Variants in PHF12 observed in about 807,000 individuals in gnomAD.
PHF12 encodes the protein PHD factor 1.
Under a neutral mutation model 99.8 loss-of-function variants are expected in PHF12, and 6 were observed. The observed-to-expected ratio is 0.06, with a 90% CI of 0.03 to 0.12. PHF12 has a LOEUF of 0.12. Among genes scored for constraint, PHF12 ranks in the 10% least tolerant of loss-of-function variants. The probability of loss-of-function intolerance (pLI) is 1.00; values close to 1 mark genes in which losing one functional copy is unlikely to be tolerated. For missense variants in PHF12, 954 were observed against 1,300.1 expected, an observed-to-expected ratio of 0.73 and a Z score of 4.09; for synonymous variants, 480 against 514.9, an observed-to-expected ratio of 0.93 and a Z score of 0.92.
rs973951079 is a variant in PHF12 at position 28,949,292 on chromosome 17, G to A, written c.248+773C>T. On this transcript the variant is annotated intron_variant, in intron 2 of 14. Coordinates refer to ENST00000332830, the MANE Select transcript of PHF12 (RefSeq NM_001033561.2). This position sits in a 1 kb window ranked among gnomAD's most constrained non-coding sequence, Gnocchi z 4.6. ...ACCCGGCCCGATTTCCTAAGAGGCAGCGGCGCCGGGAGGGAGGAGGGAAGA... is the reference window on the plus strand; with the variant it reads ...ACCCGGCCCGATTTCCTAAGAGGCAACGGCGCCGGGAGGGAGGAGGGAAGA... Among the ~76,000 whole-genome samples, 8 of 152,158 alleles carry A rather than the reference G, an allele frequency of 5.3e-5. No homozygotes were observed. Among genetic ancestry groups the A allele is most frequent in the African/African-American group, 1.9e-4 (8 of 41,444 alleles).
chr17:28,911,521 C>A lies in PHF12; in HGVS notation c.2090-284G>T. 11 of 391,444 alleles carry A rather than the reference C, an allele frequency of 2.8e-5. No individual in the cohort carries two copies. In the South Asian group the frequency reaches 4.2e-4, roughly 15 times the overall value. 24.2% of individuals were successfully genotyped at this position (391,444 alleles called of 1,614,324 possible). Reference sequence around the variant, plus strand: ...GGCAGCTTCATTCTTTGGGCCATGACCACCTCCCTGCTGCCTCTACTTTAA... The same window carrying A: ...GGCAGCTTCATTCTTTGGGCCATGAACACCTCCCTGCTGCCTCTACTTTAA... On this transcript the variant is annotated intron_variant, in intron 9 of 14. Coordinates refer to ENST00000332830, the MANE Select transcript of PHF12 (RefSeq NM_001033561.2).
intron 2 of PHF12, among the ~76,000 whole-genome samples, chr17:28,931,011 T>A (rs1261378078): frequency 6.6e-6 from 1 of 152,122 alleles, no homozygotes; most frequent in Non-Finnish European, 1.5e-5. Flanking sequence ...GGTAGAGCCG[T>A]GATCGTGCCA....
intron 2 of PHF12, among the ~76,000 whole-genome samples, chr17:28,948,393 T>C (rs939262339): frequency 2.6e-5 from 4 of 152,208 alleles, no homozygotes; most frequent in Admixed American, 1.3e-4. Flanking sequence ...CAGAAATATC[T>C]TCTCCAGGTG....
At chr17:28,912,299 C>T in intron 9 of PHF12, 183 bp downstream of exon 9, 2 of 1,389,944 alleles carry the variant, frequency 1.4e-6, no homozygotes, top group Non-Finnish European at 1.9e-6. Context: ...TAAGCAGTCC[C>T]ATTTATAAAC....
Position 28,906,142 on chromosome 17 carries a change from T to C in PHF12, c.*41A>G. 7 of 1,542,044 alleles carry C rather than the reference T, an allele frequency of 4.5e-6. No individual in the cohort carries two copies. Among genetic ancestry groups the C allele is most frequent in the Non-Finnish European group, 6.1e-6 (7 of 1,138,820 alleles). ...TGTACATTTTTGCATTGCAGGAGTC[T>C]TGGGTGGGTGTACAGGCCAGTGGCG... On this transcript the variant is annotated 3_prime_UTR_variant, in exon 15 of 15. Transcript: ENST00000332830. This position sits in a 1 kb window ranked among gnomAD's most constrained non-coding sequence, Gnocchi z 4.2.
At chr17:28,947,677 T>C (rs991249063) in intron 2 of PHF12, among the ~76,000 whole-genome samples, 4 of 151,226 alleles carry the variant, frequency 2.6e-5, no homozygotes, top group Non-Finnish European at 4.4e-5. Flanking sequence ...TAAGCCTCAC[T>C]AAATGAAATT....
In PHF12 at chr17:28,950,960, T is replaced by TTC. The variant is rs1567975905; in HGVS notation, c.-2_-1dup. 1 of 1,613,748 alleles carries TTC rather than the reference T, an allele frequency of 6.2e-7. No individual in the cohort carries two copies. Among genetic ancestry groups the TTC allele is most frequent in the Non-Finnish European group, 8.5e-7 (1 of 1,179,796 alleles). ...GTCTTGGTCTCCATTTTCTCCCACA[T>TTC]TCATCCACCTCCCGGGCTGGGTGCT... On this transcript the variant is annotated 5_prime_UTR_variant, in exon 1 of 15. Coordinates refer to ENST00000332830, the MANE Select transcript of PHF12 (RefSeq NM_001033561.2). The surrounding 1 kb of genome is among the most constrained non-coding windows in gnomAD (Gnocchi z 5.7).
rs1262408609 is a variant in PHF12, at chr17:28,913,008, G to A, written c.1563C>T (p.Gly521=). 1 of 1,614,250 alleles carries A rather than the reference G, an allele frequency of 6.2e-7. No individual in the cohort carries two copies. Among genetic ancestry groups the A allele is most frequent in the Admixed American group, 1.7e-5 (1 of 60,034 alleles). ...PHQSPALEDI[G]CSSCAEKSKK... Reference sequence around the variant, plus strand: ...TGGATTTTTCCGCACAAGAACTGCAGCCGATGTCCTCTAGGGCTGGGGACT... The same window carrying A: ...TGGATTTTTCCGCACAAGAACTGCAACCGATGTCCTCTAGGGCTGGGGACT... Residue 521 remains glycine, a synonymous_variant, in exon 9 of 15, where the codon GGC becomes GGT. Transcript: ENST00000332830.
chr17:28,907,903 T>C (rs2039897904), intron 12 of PHF12: 2 of 418,730 alleles, frequency 4.8e-6, no homozygotes. Context: ...TTAGAACATG[T>C]GGCTGCTACC....
chr17:28,919,464 G>C (rs1272643385), intron 5 of PHF12, among the ~76,000 whole-genome samples, 189 bp from the exon 6 acceptor site: 1 of 152,234 alleles, frequency 6.6e-6, no homozygotes, highest in Non-Finnish European at 1.5e-5. Context: ...CTGGTGCGAT[G>C]GCTCACGCCT....
chr17:28,942,924 A>C (rs1475729189), intron 2 of PHF12, among the ~76,000 whole-genome samples: 1 of 152,214 alleles, frequency 6.6e-6, no homozygotes, highest in African/African-American at 2.4e-5. Flanking sequence ...ATATGCGACA[A>C]GGAACTTATA....
At chr17:28,910,567 A>T (rs902312885) in intron 10 of PHF12, 198 bp from the exon 11 acceptor site, 1 of 644,292 alleles carries the variant, frequency 1.6e-6, no homozygotes. Context: ...ATGGGCCCCA[A>T]TGCAGCCTGT....
intron 3 of PHF12, 146 bp downstream of exon 3, chr17:28,926,845 A>G: frequency 6.5e-7 from 1 of 1,545,442 alleles, no homozygotes; most frequent in East Asian, 2.4e-5. Context: ...CCAAACAGTC[A>G]CCATGGGAAG....
chr17:28,912,800 C>G lies in PHF12; in HGVS notation c.1771G>C (p.Gly591Arg), dbSNP rs1421275591. The change falls in exon 9 of 15, where the codon GGG becomes CGG. Residue 591 changes from glycine (G) to arginine (R), a missense_variant. Gly to Arg is a moderately radical substitution (Grantham distance 125, BLOSUM62 -2). Coordinates refer to ENST00000332830, the MANE Select transcript of PHF12 (RefSeq NM_001033561.2). ...WPRPLTPPAA[G>R]GLQNHTVGII... ...CCGACGGTGTGGTTCTGAAGGCCCC[C>G]AGCCGCTGGTGGCGTGAGGGGCCGG... 6.2e-7 allele frequency: 1 copy of G among 1,609,442 alleles called. No homozygotes were observed. The highest frequency in any genetic ancestry group is 1.3e-5 in the African/African-American group (1 of 74,782).
intron 10 of PHF12, 37 bp downstream of exon 10, chr17:28,911,075 T>G: frequency 1.2e-6 from 2 of 1,613,268 alleles, no homozygotes; most frequent in Non-Finnish European, 1.7e-6. Flanking sequence ...ACCTTCAACA[T>G]AGCAAACGGT....
rs2040807697 is a variant in PHF12 at position 28,951,284 on chromosome 17, C to G, written c.-324G>C. 1 of 1,133,744 alleles carries G rather than the reference C, an allele frequency of 8.8e-7. No homozygotes were observed. The highest frequency in any genetic ancestry group is 1.6e-5 in the African/African-American group (1 of 60,670). 70.2% of individuals were successfully genotyped at this position (1,133,744 alleles called of 1,614,324 possible). A position where few individuals can be genotyped will look rare whatever the true frequency, so the allele number is the denominator to read the frequency against. Reference sequence around the variant, plus strand: ...CGGCACTGGCGACAGCCGGTCCGGCCGGGAAGGCTGGCGGGCGCTGCCATC... The same window carrying G: ...CGGCACTGGCGACAGCCGGTCCGGCGGGGAAGGCTGGCGGGCGCTGCCATC... On this transcript the variant is annotated 5_prime_UTR_variant, in exon 1 of 15. Transcript: ENST00000332830.
rs1002146340 is a variant in PHF12, at chr17:28,905,407, A to C, written c.*776T>G. The stretch of plus-strand genomic sequence containing the variant: ...GAGGAGAGAAGTGGCAAGAGAACAA[A>C]AAAAGGAGACAAAACAGGTTTACGA... On this transcript the variant is annotated 3_prime_UTR_variant, in exon 15 of 15. Coordinates refer to ENST00000332830, the MANE Select transcript of PHF12 (RefSeq NM_001033561.2). 1 of 152,666 alleles carries C rather than the reference A, an allele frequency of 6.6e-6. No homozygotes were observed. The highest frequency in any genetic ancestry group is 2.4e-5 in the African/African-American group (1 of 41,454). The allele number at this position is 152,666 out of a possible 1,614,324, so 9.5% of individuals were successfully genotyped here.
intron 2 of PHF12, among the ~76,000 whole-genome samples, chr17:28,947,537 C>A (rs2040741505): frequency 6.6e-6 from 1 of 151,906 alleles, no homozygotes; most frequent in Non-Finnish European, 1.5e-5. Flanking sequence ...GAGATTGCAC[C>A]ACTGCACTCC....
chr17:28,911,663 G>A (rs370689249), intron 9 of PHF12, among the ~76,000 whole-genome samples: 1 of 152,202 alleles, frequency 6.6e-6, no homozygotes, highest in Non-Finnish European at 1.5e-5. Context: ...CCTGGGAGCG[G>A]GGCCATCCTG....
Sources: gnomAD v4.1 joint callset for allele counts (sites outside exome capture counted in the v4.1 genomes callset) on GRCh38, gnomAD v4.1.1 for gene constraint, Gnocchi (gnomAD v3.1) non-coding constraint, MANE v1.5 for transcripts, NCBI Gene and HGNC (gene_info 2026-07-23, HGNC 2026-07-21) for gene names.